The following ZNF385D variants were observed in gnomAD, a reference collection of about 807,000 sequenced individuals.
ZNF385D encodes the protein zinc finger protein 385D.
Under a neutral mutation model 35.8 loss-of-function variants are expected in ZNF385D, and 15 were observed. That is an observed-to-expected ratio of 0.42 (90% CI 0.28 to 0.64). The LOEUF (loss-of-function observed/expected upper bound fraction) is 0.64, where lower values mean the gene tolerates loss of function less well. Among genes scored for constraint, ZNF385D ranks in the 30% least tolerant of loss-of-function variants. The probability of loss-of-function intolerance (pLI) is 0.23; values close to 1 mark genes in which losing one functional copy is unlikely to be tolerated. For synonymous variants in ZNF385D, 212 were observed against 186.8 expected (o/e 1.13, Z -1.10); for missense variants, 474 against 494.6 (o/e 0.96, Z 0.39).
chr3:21,498,490 A>G (rs1410972574), intron 4 of ZNF385D, among the ~76,000 whole-genome samples: 1 of 152,214 alleles, frequency 6.6e-6, no homozygotes, highest in African/African-American at 2.4e-5. Context: ...TCTAGAATCT[A>G]TAAGGAACTT....
chr3:21,660,095 ATCTC>A (rs138797674), intron 2 of ZNF385D, among the ~76,000 whole-genome samples: 1 of 150,156 alleles, frequency 6.7e-6, no homozygotes, highest in Non-Finnish European at 1.5e-5. Flanking sequence ...CTAGGACTTG[ATCTC>A]TCTCTCTCTC....
intron 3 of ZNF385D, among the ~76,000 whole-genome samples, chr3:22,017,085 T>G (rs1263340892): frequency 2.0e-5 from 3 of 152,080 alleles, no homozygotes; most frequent in Non-Finnish European, 4.4e-5. Flanking sequence ...AAAAGAGTAT[T>G]AGACACCAGT....
At chr3:22,327,317 A>C (rs1445079029) in intron 2 of ZNF385D, among the ~76,000 whole-genome samples, 1 of 152,174 alleles carries the variant, frequency 6.6e-6, no homozygotes, top group Non-Finnish European at 1.5e-5. Flanking sequence ...CTTTCTGTAA[A>C]ATAAGAAATG....
In ZNF385D at chr3:22,017,946, G is replaced by A. The variant is rs147137744; in HGVS notation, c.325+150871C>T. On this transcript the variant is annotated intron_variant, in intron 3 of 5. Transcript: ENST00000494108. ...AAATATAACTTTGATATTTCTTACA[G>A]TGAAGTTCTATGTATAGAAAAGTTA... 5.5e-3 allele frequency among the ~76,000 whole-genome samples: 838 copies of A among 151,882 alleles called. 8 individuals are homozygous for A. Among genetic ancestry groups the A allele is most frequent in the African/African-American group, 0.019 (781 of 41,480 alleles).
chr3:21,827,011 T>C (rs925273364), intron 3 of ZNF385D, among the ~76,000 whole-genome samples: 3 of 152,114 alleles, frequency 2.0e-5, no homozygotes, highest in African/African-American at 7.2e-5. Context: ...GTGCCTCTGC[T>C]TCTCTATAGG....
chr3:22,368,801 A>G (rs112136591), intron 2 of ZNF385D, among the ~76,000 whole-genome samples: 83 of 152,308 alleles, frequency 5.4e-4, no homozygotes, highest in African/African-American at 1.9e-3. Context: ...GGGCTCCACA[A>G]TATCAGTTTG....
chr3:22,122,537 AC>A (rs1703145508), intron 3 of ZNF385D, among the ~76,000 whole-genome samples: 1 of 152,218 alleles, frequency 6.6e-6, no homozygotes, highest in Admixed American at 6.5e-5. Context: ...GGTGCTGATG[AC>A]ACAGCCATAA....
At chr3:22,332,754 T>C (rs1694996683) in intron 2 of ZNF385D, among the ~76,000 whole-genome samples, 1 of 152,154 alleles carries the variant, frequency 6.6e-6, no homozygotes, top group Admixed American at 6.6e-5. Context: ...GAAAAACCAT[T>C]ATCCTGTGAA....
chr3:21,656,504 T>G (rs1169272161), intron 2 of ZNF385D, among the ~76,000 whole-genome samples: 3 of 151,920 alleles, frequency 2.0e-5, no homozygotes, highest in Non-Finnish European at 4.4e-5. Flanking sequence ...TCCCTTTTTA[T>G]AAGGACACCA....
At chr3:21,751,365 C>G (rs888835051), upstream of ZNF385D, 1 of 1,037,948 alleles carries the variant, frequency 9.6e-7, no homozygotes, top group Non-Finnish European at 1.2e-6. Context: ...GTGAGGGGCG[C>G]GGGAGGCTCT....
intron 4 of ZNF385D, among the ~76,000 whole-genome samples, chr3:21,449,103 CTT>C (rs576047432): frequency 1.5e-3 from 229 of 151,390 alleles, no homozygotes; most frequent in Non-Finnish European, 2.1e-3. Flanking sequence ...AAAAAAATGA[CTT>C]ATTGGTTAGT....
intron 4 of ZNF385D, among the ~76,000 whole-genome samples, chr3:21,499,658 C>A (rs9836362): frequency 0.52 from 77,750 of 150,166 alleles, 20,179 homozygotes; most frequent in East Asian, 0.61. Context: ...AAAAAAAAAA[C>A]CAAAAAACGA....
intron 1 of ZNF385D, among the ~76,000 whole-genome samples, chr3:21,726,306 T>C (rs2068763288): frequency 6.6e-6 from 1 of 152,120 alleles, no homozygotes; most frequent in African/African-American, 2.4e-5. Flanking sequence ...CTATTCAACA[T>C]AATACTGGAA....
At chr3:21,424,433 C>A (rs1700913124) in intron 6 of ZNF385D, among the ~76,000 whole-genome samples, 1 of 147,626 alleles carries the variant, frequency 6.8e-6, no homozygotes, top group Admixed American at 6.9e-5. Context: ...TCTGCCTCAG[C>A]CTCCCAAGTA....
At position 22,200,738 on chromosome 3, in the gene ZNF385D, CG is replaced by C. The variant is rs936481611; in HGVS notation, c.107-31704del. On this transcript the variant is annotated intron_variant, in intron 2 of 5. Coordinates refer to the ZNF385D transcript ENST00000494108. ...ACAGGCCATAAAAGATGGCCATGCC[CG>C]GGGGGACCGTCTATAGACCTACCCC... Among the ~76,000 whole-genome samples the C allele has an allele frequency of 3.3e-5, 5 of 152,100 alleles. No homozygotes were observed. In the East Asian group the frequency reaches 9.7e-4, roughly 30 times the overall value.
intron 2 of ZNF385D, among the ~76,000 whole-genome samples, chr3:22,193,718 T>A (rs1696216939): frequency 6.6e-6 from 1 of 152,054 alleles, no homozygotes; most frequent in Non-Finnish European, 1.5e-5. Context: ...CTTTTGTAAA[T>A]AAGTCCAGGA....
intron 3 of ZNF385D, among the ~76,000 whole-genome samples, chr3:21,812,609 G>T (rs915527569): frequency 6.6e-6 from 1 of 152,230 alleles, no homozygotes; most frequent in Non-Finnish European, 1.5e-5. Flanking sequence ...TAGCACAGCA[G>T]TCCGAGATCG....
chr3:22,357,480 T>G (rs1478371985), intron 2 of ZNF385D, among the ~76,000 whole-genome samples: 1 of 151,932 alleles, frequency 6.6e-6, no homozygotes, highest in Non-Finnish European at 1.5e-5. Flanking sequence ...AGTGCAGATA[T>G]AAATTCTTGG....
chr3:21,712,771 G>A (rs1233548824), intron 1 of ZNF385D, among the ~76,000 whole-genome samples: 2 of 152,090 alleles, frequency 1.3e-5, no homozygotes, highest in Admixed American at 6.5e-5. Flanking sequence ...TCTACTCTGA[G>A]CAAATACAGT....
Sources: allele counts gnomAD v4.1 joint callset (sites outside exome capture counted in the v4.1 genomes callset), GRCh38; gene constraint gnomAD v4.1.1; transcripts MANE v1.5; gene names NCBI Gene and HGNC (gene_info 2026-07-23, HGNC 2026-07-21).